Variants in EPHA5 observed in about 807,000 individuals in gnomAD.
EPHA5 encodes ephrin type-A receptor 5.
In EPHA5, 60 loss-of-function variants were observed where a neutral mutation model predicts 105.0. That is an observed-to-expected ratio of 0.57 (90% CI 0.46 to 0.71). The LOEUF is 0.71. Among genes scored for constraint, EPHA5 ranks in the 30% least tolerant of loss-of-function variants. EPHA5 has a pLI of 0.00. For missense variants in EPHA5, 1,218 were observed against 1,274.7 expected (o/e 0.96, Z 0.68); for synonymous variants, 513 against 449.1 (o/e 1.14, Z -1.80).
chr4:65,497,042 A>G (rs1206681053), intron 3 of EPHA5, among the ~76,000 whole-genome samples: 2 of 152,142 alleles, frequency 1.3e-5, no homozygotes, highest in Admixed American at 6.6e-5. Flanking sequence ...TAATATGCTA[A>G]TTGCTCAGTA....
At chr4:65,413,136 T>A (rs187653894) in intron 7 of EPHA5, among the ~76,000 whole-genome samples, 7 of 152,232 alleles carry the variant, frequency 4.6e-5, no homozygotes, top group Admixed American at 2.6e-4. Context: ...ACGAGAATTT[T>A]CAGACTAATA....
At chr4:65,492,089 A>G (rs145187434) in intron 4 of EPHA5, among the ~76,000 whole-genome samples, 500 of 152,304 alleles carry the variant, frequency 3.3e-3, no homozygotes, top group South Asian at 0.011. Flanking sequence ...TCTGTTCTAA[A>G]TATCAAAATT....
At chr4:65,598,560 GA>G (rs572995596) in intron 3 of EPHA5, among the ~76,000 whole-genome samples, 2 of 152,044 alleles carry the variant, frequency 1.3e-5, no homozygotes, top group African/African-American at 2.4e-5. Flanking sequence ...AACAGGAGTA[GA>G]AAAAATAATT....
intron 8 of EPHA5, among the ~76,000 whole-genome samples, chr4:65,394,432 C>T (rs577445003): frequency 6.6e-6 from 1 of 152,098 alleles, no homozygotes; most frequent in East Asian, 1.9e-4. Context: ...AGTTTATGTT[C>T]TGGACACTTT....
At chr4:65,580,790 C>T (rs938527057) in intron 3 of EPHA5, among the ~76,000 whole-genome samples, 1 of 147,026 alleles carries the variant, frequency 6.8e-6, no homozygotes, top group South Asian at 2.1e-4. Context: ...ACACAGTTTA[C>T]TTTTTTTTTT....
intron 8 of EPHA5, among the ~76,000 whole-genome samples, chr4:65,371,350 G>T (rs1718450754): frequency 6.6e-6 from 1 of 151,990 alleles, no homozygotes; most frequent in Non-Finnish European, 1.5e-5. Flanking sequence ...AGAGAGAGAT[G>T]CTAGATATAT....
At chr4:65,481,045 C>T (rs1397644082) in intron 5 of EPHA5, among the ~76,000 whole-genome samples, 2 of 152,100 alleles carry the variant, frequency 1.3e-5, no homozygotes, top group Admixed American at 6.6e-5. Flanking sequence ...CAGCTCATTG[C>T]TTGTGCTCAC....
chr4:65,349,350 C>T (rs1722601594), intron 13 of EPHA5, among the ~76,000 whole-genome samples: 1 of 151,818 alleles, frequency 6.6e-6, no homozygotes, highest in Non-Finnish European at 1.5e-5. Context: ...GATTTGGAGA[C>T]TTTCTCTTAG....
intron 3 of EPHA5, among the ~76,000 whole-genome samples, chr4:65,581,723 A>G (rs1741644498): frequency 6.6e-6 from 1 of 151,798 alleles, no homozygotes; most frequent in Non-Finnish European, 1.5e-5. Context: ...CTTAAATAAA[A>G]TATAGGCTTG....
intron 2 of EPHA5, among the ~76,000 whole-genome samples, chr4:65,609,317 G>C (rs1744543451): frequency 6.6e-6 from 1 of 152,134 alleles, no homozygotes; most frequent in African/African-American, 2.4e-5. Context: ...CTTGCATCAA[G>C]TAGGAGTTTG....
intron 12 of EPHA5, 57 bp from the exon 13 acceptor site, chr4:65,351,655 T>C (rs538889225): frequency 6.7e-6 from 10 of 1,492,254 alleles, no homozygotes; most frequent in African/African-American, 4.1e-5. Flanking sequence ...GGGGAAAATA[T>C]GAGAGGTCTG....
At chr4:65,638,853 T>C (rs1227394810) in intron 2 of EPHA5, among the ~76,000 whole-genome samples, 3 of 152,208 alleles carry the variant, frequency 2.0e-5, no homozygotes, top group African/African-American at 7.2e-5. Context: ...TTTATATAAA[T>C]CAGACTCTGG....
chr4:65,669,078 C>A (rs1044883325), intron 1 of EPHA5, among the ~76,000 whole-genome samples: 3 of 152,044 alleles, frequency 2.0e-5, no homozygotes, highest in Non-Finnish European at 4.4e-5. Flanking sequence ...ATAAAAGCAT[C>A]CAGCCACCCC....
At chr4:65,376,212 G>A (rs1718987959) in intron 8 of EPHA5, among the ~76,000 whole-genome samples, 1 of 151,868 alleles carries the variant, frequency 6.6e-6, no homozygotes, top group South Asian at 2.1e-4. Flanking sequence ...TCTTTTCTTG[G>A]CAAATTCTGA....
chr4:65,415,867 T>G (rs1477356833), intron 6 of EPHA5, among the ~76,000 whole-genome samples: 8 of 152,052 alleles, frequency 5.3e-5, no homozygotes, highest in Non-Finnish European at 1.0e-4. Context: ...AATAATTTCT[T>G]AATGTGTTCC....
intron 3 of EPHA5, among the ~76,000 whole-genome samples, chr4:65,507,671 C>T (rs1029591371): frequency 2.0e-5 from 3 of 152,050 alleles, no homozygotes; most frequent in African/African-American, 4.8e-5. Flanking sequence ...CCCTATTTGT[C>T]TGTTATTCGT....
At chr4:65,561,974 A>G (rs2149358652) in intron 3 of EPHA5, among the ~76,000 whole-genome samples, 2 of 152,200 alleles carry the variant, frequency 1.3e-5, no homozygotes, top group South Asian at 2.1e-4. Flanking sequence ...AAATCTGAAA[A>G]TATTTGGAAC....
At chr4:65,478,359 G>T (rs990827590) in intron 5 of EPHA5, among the ~76,000 whole-genome samples, 2 of 152,124 alleles carry the variant, frequency 1.3e-5, no homozygotes, top group African/African-American at 4.8e-5. Context: ...ACATTAAAAT[G>T]ATAAGTTAAC....
intron 5 of EPHA5, among the ~76,000 whole-genome samples, chr4:65,474,234 T>A (rs1381039979): frequency 6.6e-6 from 1 of 152,102 alleles, no homozygotes; most frequent in Non-Finnish European, 1.5e-5. Flanking sequence ...AAAAAATAAC[T>A]GAAGATTAAT....
Sources: gnomAD v4.1 joint callset for allele counts (sites outside exome capture counted in the v4.1 genomes callset) on GRCh38, gnomAD v4.1.1 for gene constraint, MANE v1.5 for transcripts, NCBI Gene and HGNC (gene_info 2026-07-23, HGNC 2026-07-21) for gene names.